GNPAT: variants seen among roughly 807,000 people sequenced by gnomAD.
GNPAT encodes the protein glyceronephosphate O-acyltransferase, also known as dihydroxyacetone phosphate acyltransferase.
A neutral mutation model predicts 78.4 loss-of-function variants in GNPAT; 30 were observed. That is an observed-to-expected ratio of 0.38 (90% CI 0.29 to 0.52). The LOEUF (loss-of-function observed/expected upper bound fraction) is 0.52. Ranked by LOEUF, GNPAT falls within the 20% of genes least tolerant of loss-of-function variation. GNPAT has a pLI of 0.84. For missense variants in GNPAT, 714 were observed against 812.2 expected (o/e 0.88, Z 1.47); for synonymous variants, 271 against 281.1 (o/e 0.96, Z 0.36).
chr1:231,249,673 C>T lies in GNPAT; in HGVS notation c.79-1288C>T, dbSNP rs911983683. ...CAGGGAAAATATGAATGATTCCATT[C>T]GGGACTCTGGGAGAGCTTTCATAGA... On this transcript the variant is annotated intron_variant, in intron 1 of 15. Transcript: ENST00000366647. Among the ~76,000 whole-genome samples the T allele has an allele frequency of 3.3e-5, 5 of 152,124 alleles. 1 individual carries two copies. The highest frequency in any genetic ancestry group is 5.9e-5 in the Non-Finnish European group (4 of 68,022).
In GNPAT at chr1:231,265,412, A is replaced by G. The variant is rs1419095282; in HGVS notation, c.688A>G (p.Met230Val). Residue 230 changes from methionine to valine, a missense_variant, in exon 5 of 16, where the codon ATG becomes GTG. Transcript: ENST00000366647. ...TGTATTCTCTGAATATGTAAAAACT[A>G]TGTTACGGGTAAATGCAAATAATTC... ...WAVFSEYVKT[M>V]LRNGYAPVEF... 3 of 1,607,656 alleles carry G rather than the reference A, an allele frequency of 1.9e-6. No individual in the cohort carries two copies. The highest frequency in any genetic ancestry group is 2.6e-6 in the Non-Finnish European group (3 of 1,174,078).
rs1685707756 is a variant in GNPAT at position 231,276,144 on chromosome 1, C to G, written c.1947C>G (p.Asn649Lys). The change falls in exon 15 of 16, where the codon AAC becomes AAG. Residue 649 changes from asparagine (N) to lysine (K), a missense_variant. Transcript: ENST00000366647. ...GVVEKKKINN[N>K]CIFNVNEPAT... ...TATTATTTTCTCCTAGAAATAATAACTGTATATTTAATGTGAATGAACCTG... is the reference window on the plus strand; with the variant it reads ...TATTATTTTCTCCTAGAAATAATAAGTGTATATTTAATGTGAATGAACCTG... 2 of 1,259,904 alleles carry G rather than the reference C, an allele frequency of 1.6e-6. No homozygotes were observed. The highest frequency in any genetic ancestry group is 2.3e-6 in the Non-Finnish European group (2 of 860,320). 78.0% of individuals were successfully genotyped at this position (1,259,904 alleles called of 1,614,324 possible). A position where few individuals can be genotyped will look rare whatever the true frequency, so the allele number is the denominator to read the frequency against.
chr1:231,255,755 A>T (rs775354637), intron 2 of GNPAT, among the ~76,000 whole-genome samples: 21 of 152,142 alleles, frequency 1.4e-4, no homozygotes, highest in Non-Finnish European at 2.6e-4. Flanking sequence ...CACGTTGTCC[A>T]TGCTTACCAT....
chr1:231,265,532 A>G, intron 5 of GNPAT, 112 bp downstream of exon 5: 1 of 994,890 alleles, frequency 1.0e-6, no homozygotes, highest in Non-Finnish European at 1.6e-6. Flanking sequence ...CTTTCCCTCA[A>G]GAACTGCTTA....
rs572810222 is a variant in GNPAT, at chr1:231,252,949, A to G, written c.261+1806A>G. ...AGGCCTCTCCCTGACTTTGCCTGTT[A>G]CCTCCAGTTTTTTTGTTTTATTTTG... is the stretch of plus-strand genomic sequence containing the variant. On this transcript the variant is annotated intron_variant, in intron 2 of 15. Coordinates refer to ENST00000366647, the MANE Select transcript of GNPAT (RefSeq NM_014236.4). Among the ~76,000 whole-genome samples, 64 of 151,694 alleles carry G rather than the reference A, an allele frequency of 4.2e-4. No homozygotes were observed. In the South Asian group the frequency reaches 0.013, roughly 32 times the overall value.
Position 231,275,340 on chromosome 1 carries a change from G to A in GNPAT, c.1843+20G>A. On this transcript the variant is annotated intron_variant, in intron 13 of 15. Transcript: ENST00000366647. Reference sequence around the variant, plus strand: ...ATCAAGGTCAGTCACTGCTCTGTGGGTGCTGATTTCTTTTAGTTGAGAATA... The same window carrying A: ...ATCAAGGTCAGTCACTGCTCTGTGGATGCTGATTTCTTTTAGTTGAGAATA... The A allele has an allele frequency of 6.3e-7, 1 of 1,583,536 alleles. No individual in the cohort carries two copies. Among genetic ancestry groups the A allele is most frequent in the Non-Finnish European group, 8.7e-7 (1 of 1,152,010 alleles).
At chr1:231,268,025 G>A (rs577357985) in intron 9 of GNPAT, 122 bp downstream of exon 9, 129 of 735,046 alleles carry the variant, frequency 1.8e-4, no homozygotes, top group Non-Finnish European at 2.7e-4. Context: ...AGGACAGGCC[G>A]GGCGCGGTGG....
intron 2 of GNPAT, among the ~76,000 whole-genome samples, chr1:231,254,397 T>A (rs1684984319): frequency 6.6e-6 from 1 of 152,168 alleles, no homozygotes; most frequent in Non-Finnish European, 1.5e-5. Context: ...CCCTGCCTCC[T>A]CTTCTTACTC....
intron 2 of GNPAT, among the ~76,000 whole-genome samples, chr1:231,253,558 T>C (rs929103595): frequency 2.0e-5 from 3 of 152,248 alleles, no homozygotes; most frequent in African/African-American, 4.8e-5. Flanking sequence ...TTTGGACATA[T>C]GAGCTGTGCT....
intron 4 of GNPAT, among the ~76,000 whole-genome samples, chr1:231,263,914 C>G (rs776118315): frequency 1.3e-5 from 2 of 151,954 alleles, no homozygotes; most frequent in African/African-American, 4.8e-5. Flanking sequence ...TGTTCAAGTC[C>G]GTTATTTTTT....
intron 8 of GNPAT, among the ~76,000 whole-genome samples, chr1:231,266,867 A>G (rs942051556): frequency 2.0e-5 from 3 of 152,212 alleles, no homozygotes; most frequent in Admixed American, 6.5e-5. Flanking sequence ...TTCTTTCAGG[A>G]TAAAGAACAC....
chr1:231,266,573 A>G (rs1391248125), intron 8 of GNPAT, among the ~76,000 whole-genome samples, 166 bp downstream of exon 8: 1 of 152,220 alleles, frequency 6.6e-6, no homozygotes, highest in Non-Finnish European at 1.5e-5. Context: ...CCTTCAATTA[A>G]AGAAGAATTA....
chr1:231,244,584 G>A (rs1461731154), intron 1 of GNPAT, among the ~76,000 whole-genome samples: 1 of 152,122 alleles, frequency 6.6e-6, no homozygotes, highest in Non-Finnish European at 1.5e-5. Context: ...ATTCAGTTTG[G>A]GGTGTGTTCA....
rs139377603 is a variant in GNPAT, at chr1:231,257,489, T to A, written c.262-3018T>A. On this transcript the variant is annotated intron_variant, in intron 2 of 15. Transcript: ENST00000366647. ...TGCTGTGTCTTTTATTGTTACACACTCTCTTCTTCAGGATCATCTTACCTT... is the reference window on the plus strand; with the variant it reads ...TGCTGTGTCTTTTATTGTTACACACACTCTTCTTCAGGATCATCTTACCTT... Among the ~76,000 whole-genome samples, 830 of 152,328 alleles carry A rather than the reference T, an allele frequency of 5.4e-3. 6 individuals are homozygous for A. The highest frequency in any genetic ancestry group is 0.01 in the Middle Eastern group (3 of 294).
intron 2 of GNPAT, among the ~76,000 whole-genome samples, chr1:231,255,748 G>A (rs772002346): frequency 6.8e-4 from 104 of 152,108 alleles, no homozygotes; most frequent in Non-Finnish European, 1.0e-3. Context: ...AATTGGCCAC[G>A]TTGTCCATGC....
chr1:231,273,794 AGG>A, intron 11 of GNPAT, 126 bp from the exon 12 acceptor site: 1 of 747,976 alleles, frequency 1.3e-6, no homozygotes, highest in East Asian at 2.6e-5. Flanking sequence ...CTGTTGTCTG[AGG>A]GCATGTGGCT....
intron 9 of GNPAT, chr1:231,269,911 A>G (rs1685510880): frequency 6.6e-6 from 1 of 152,110 alleles, no homozygotes. Flanking sequence ...TTTTATGATC[A>G]TTTCACATAA....
Position 231,267,753 on chromosome 1 carries a change from C to A in GNPAT, c.1129C>A (p.Gln377Lys). ...TEVAYKMELL[Q>K]IENMVLSPWT... ...AGTTGCCTACAAAATGGAGCTTCTGCAAATTGAAAACATGGTTTTGAGCCC... is the reference window on the plus strand; with the variant it reads ...AGTTGCCTACAAAATGGAGCTTCTGAAAATTGAAAACATGGTTTTGAGCCC... Residue 377 changes from glutamine (Q) to lysine (K), a missense_variant, in exon 9 of 16, where the codon CAA becomes AAA. Coordinates refer to ENST00000366647, the MANE Select transcript of GNPAT (RefSeq NM_014236.4). 3 of 1,612,846 alleles carry A rather than the reference C, an allele frequency of 1.9e-6. No homozygotes were observed. The highest frequency in any genetic ancestry group is 2.5e-6 in the Non-Finnish European group (3 of 1,178,908).
In GNPAT at chr1:231,241,306, A is replaced by C. The variant is rs1351084022; in HGVS notation, c.-73A>C. On this transcript the variant is annotated 5_prime_UTR_variant, in exon 1 of 16. Coordinates refer to ENST00000366647, the MANE Select transcript of GNPAT (RefSeq NM_014236.4). ...GAAGTAGGGCCGTCCTGAGCGAAAG[A>C]ACCGCCCCCAGCAGGAGCACCACCA... is the stretch of plus-strand genomic sequence containing the variant. 7.0e-7 allele frequency: 1 copy of C among 1,437,676 alleles called. No homozygotes were observed. The highest frequency in any genetic ancestry group is 9.8e-7 in the Non-Finnish European group (1 of 1,019,088). The allele number at this position is 1,437,676 out of a possible 1,614,324, so 89.1% of individuals were successfully genotyped here.
Sources: allele counts gnomAD v4.1 joint callset (sites outside exome capture counted in the v4.1 genomes callset), GRCh38; gene constraint gnomAD v4.1.1; transcripts MANE v1.5; gene names NCBI Gene and HGNC (gene_info 2026-07-23, HGNC 2026-07-21).